The following INPP4A variants were observed in gnomAD, a reference collection of about 807,000 sequenced individuals.
The protein encoded by INPP4A is inositol polyphosphate-4-phosphatase, type I, 107kD.
A neutral mutation model predicts 119.8 loss-of-function variants in INPP4A; 33 were observed. That is an observed-to-expected ratio of 0.28 (90% CI 0.21 to 0.37). The LOEUF is 0.37. INPP4A is among the 10% of genes least tolerant of loss of function. The pLI is 1.00. For synonymous variants in INPP4A, 496 were observed against 500.7 expected (o/e 0.99, Z 0.12); for missense variants, 956 against 1,289.9 (o/e 0.74, Z 3.97).
intron 1 of INPP4A, among the ~76,000 whole-genome samples, chr2:98,501,211 G>T (rs925193883): frequency 6.6e-6 from 1 of 152,168 alleles, no homozygotes; most frequent in Non-Finnish European, 1.5e-5. Flanking sequence ...CAGCTGCTCG[G>T]GAGGCTGAGG....
chr2:98,533,037 T>C (rs1475061392), intron 4 of INPP4A, among the ~76,000 whole-genome samples: 2 of 152,132 alleles, frequency 1.3e-5, no homozygotes, highest in Non-Finnish European at 1.5e-5. Context: ...CTTCACTCAA[T>C]TGGTTAGAGT....
At chr2:98,552,487 T>G in intron 13 of INPP4A, 2 of 484,600 alleles carry the variant, frequency 4.1e-6, no homozygotes, top group South Asian at 3.3e-5. Context: ...ATTTGGGTGA[T>G]TATGGGATAT....
chr2:98,537,271 G>GA (rs769567579), intron 7 of INPP4A, among the ~76,000 whole-genome samples: 17 of 152,208 alleles, frequency 1.1e-4, no homozygotes, highest in Non-Finnish European at 2.2e-4. Context: ...AGGTTCCCTG[G>GA]ATGAATCAGA....
intron 1 of INPP4A, among the ~76,000 whole-genome samples, chr2:98,478,181 G>A (rs546984591): frequency 2.0e-5 from 3 of 152,114 alleles, no homozygotes; most frequent in African/African-American, 2.4e-5. Context: ...TTTAATTTGC[G>A]GGTGTTTCCT....
Position 98,563,653 on chromosome 2 carries a change from A to G in INPP4A, c.2028+16A>G, listed in dbSNP as rs986136745. The G allele has an allele frequency of 6.2e-7, 1 of 1,610,012 alleles. No homozygotes were observed. Among genetic ancestry groups the G allele is most frequent in the Non-Finnish European group, 8.5e-7 (1 of 1,179,096 alleles). On this transcript the variant is annotated intron_variant, in intron 18 of 24. Coordinates refer to ENST00000409851, the MANE Select transcript of INPP4A (RefSeq NM_001134225.2). The stretch of plus-strand genomic sequence containing the variant: ...CTGCCAGACGGTAGGCCCCGGGAGC[A>G]CCCCGAGGGAGACCACGGGCACCTC...
chr2:98,513,690 GAGCCTCC>G (rs1402760829), intron 1 of INPP4A, among the ~76,000 whole-genome samples: 2 of 152,212 alleles, frequency 1.3e-5, no homozygotes, highest in Non-Finnish European at 2.9e-5. Context: ...CTTTGGAGTG[GAGCCTCC>G]AGTTTGCTGG....
intron 10 of INPP4A, 130 bp downstream of exon 10, chr2:98,539,805 T>C: frequency 1.1e-6 from 1 of 902,430 alleles, no homozygotes; most frequent in African/African-American, 1.7e-5. Flanking sequence ...CCCCTGCAGC[T>C]CTGTGGCCTT....
chr2:98,474,594 C>G (rs1005826584), intron 1 of INPP4A, among the ~76,000 whole-genome samples: 17 of 152,164 alleles, frequency 1.1e-4, no homozygotes, highest in African/African-American at 4.1e-4. Context: ...CCAAACCAGG[C>G]TTCTGGCCCT....
At chr2:98,514,095 T>C (rs917422222) in intron 1 of INPP4A, among the ~76,000 whole-genome samples, 2 of 152,214 alleles carry the variant, frequency 1.3e-5, no homozygotes, top group African/African-American at 4.8e-5. Context: ...TCACATTTTC[T>C]TTCTAGGTTG....
At chr2:98,583,795 C>T (rs532392540) in intron 24 of INPP4A, among the ~76,000 whole-genome samples, 130 of 152,304 alleles carry the variant, frequency 8.5e-4, no homozygotes, top group Non-Finnish European at 1.9e-4. Flanking sequence ...CAGACCTTAC[C>T]CCGGGCTTTT....
At chr2:98,564,581 G>T in intron 18 of INPP4A, 59 bp from the exon 19 acceptor site, 1 of 1,606,324 alleles carries the variant, frequency 6.2e-7, no homozygotes, top group South Asian at 1.1e-5. Context: ...GGCATGATCT[G>T]ACTGCCATTT....
rs1029856529 is a variant in INPP4A at position 98,453,647 on chromosome 2, G to A, written c.-166+8562G>A. ...CCTGTGACTTTTGTCAGAACCTGGTGGTCTGTGACTCGCCATAGATCAAGA... is the reference window on the plus strand; with the variant it reads ...CCTGTGACTTTTGTCAGAACCTGGTAGTCTGTGACTCGCCATAGATCAAGA... On this transcript the variant is annotated intron_variant, in intron 1 of 24. Transcript: ENST00000409851. Among the ~76,000 whole-genome samples the A allele has an allele frequency of 3.3e-5, 5 of 152,102 alleles. No homozygotes were observed. In the South Asian group the frequency reaches 1.0e-3, roughly 32 times the overall value.
intron 24 of INPP4A, among the ~76,000 whole-genome samples, chr2:98,577,396 G>A (rs1385831279): frequency 2.0e-5 from 3 of 152,232 alleles, no homozygotes; most frequent in Non-Finnish European, 4.4e-5. Flanking sequence ...CTGGTAGACT[G>A]GTGGGCAAGC....
intron 22 of INPP4A, chr2:98,568,906 A>G (rs1268942971): frequency 4.4e-6 from 2 of 453,470 alleles, no homozygotes; most frequent in African/African-American, 3.9e-5. Context: ...GCTCCTTCCC[A>G]TGCTGTCGTA....
At chr2:98,544,338 A>T (rs79548431) in intron 11 of INPP4A, among the ~76,000 whole-genome samples, 1 of 152,232 alleles carries the variant, frequency 6.6e-6, no homozygotes, top group Non-Finnish European at 1.5e-5. Flanking sequence ...TTACTGCTTC[A>T]TGTTGTTTCT....
At position 98,543,929 on chromosome 2, in the gene INPP4A, C is replaced by A. The variant is rs377398401; in HGVS notation, c.871C>A (p.Arg291=). Residue 291 remains arginine (R), a synonymous_variant, in exon 11 of 25, where the codon CGG becomes AGG. Coordinates refer to ENST00000409851, the MANE Select transcript of INPP4A (RefSeq NM_001134225.2). ...GELSPCWESL[R]RQIVTQYQTI... ...GCTGTCCCCTTGCTGGGAGAGCCTC[C>A]GGCGCCAAATTGTCACCCAGTACCA... 114 of 1,609,748 alleles carry A rather than the reference C, an allele frequency of 7.1e-5. No individual in the cohort carries two copies. The highest frequency in any genetic ancestry group is 4.9e-4 in the Middle Eastern group (3 of 6,074).
At chr2:98,542,261 G>T (rs910997695) in intron 10 of INPP4A, among the ~76,000 whole-genome samples, 6 of 152,262 alleles carry the variant, frequency 3.9e-5, no homozygotes, top group Non-Finnish European at 8.8e-5. Flanking sequence ...GGCTGGCCAC[G>T]TAGCCCTACC....
At chr2:98,446,898 C>G (rs1221948127) in intron 1 of INPP4A, among the ~76,000 whole-genome samples, 1 of 151,958 alleles carries the variant, frequency 6.6e-6, no homozygotes, top group Admixed American at 6.6e-5. Flanking sequence ...AAATAATACA[C>G]GAGAGCTATT....
chr2:98,501,573 G>T (rs1263407715), intron 1 of INPP4A, among the ~76,000 whole-genome samples: 1 of 152,188 alleles, frequency 6.6e-6, no homozygotes, highest in African/African-American at 2.4e-5. Flanking sequence ...CCTCACTGAG[G>T]CAGGGAGTAA....
Sources: allele counts gnomAD v4.1 joint callset (sites outside exome capture counted in the v4.1 genomes callset), GRCh38; gene constraint gnomAD v4.1.1; transcripts MANE v1.5; gene names NCBI Gene and HGNC (gene_info 2026-07-23, HGNC 2026-07-21).